CTPS2: variants seen among roughly 807,000 people sequenced by gnomAD.
CTPS2 encodes CTP synthase II.
In CTPS2, 19 loss-of-function variants were observed where a neutral mutation model predicts 46.8. The observed-to-expected ratio is 0.41, with a 90% confidence interval of 0.28 to 0.60. The LOEUF is 0.60. CTPS2 is among the 20% of genes least tolerant of loss of function. The pLI is 0.35. For synonymous variants in CTPS2, 151 were observed against 165.2 expected, an observed-to-expected ratio of 0.91 and a Z score of 0.66; for missense variants, 286 against 447.6, an observed-to-expected ratio of 0.64 and a Z score of 3.26.
chrX:16,689,347 C>G, intron 8 of CTPS2, 103 bp downstream of exon 8: 1 of 833,517 alleles, frequency 1.2e-6, no homozygotes, highest in Non-Finnish European at 1.7e-6. Context: ...AATGTGCACA[C>G]GCAAAATGCC....
intron 13 of CTPS2, among the ~76,000 whole-genome samples, chrX:16,661,443 T>G (rs11094708): frequency 0.13 from 14,892 of 111,482 alleles, 755 homozygotes; most frequent in East Asian, 0.16. Context: ...GGCCATCTGG[T>G]TTGTTTTCAA....
chrX:16,696,091 G>C (rs1313659956), intron 4 of CTPS2, among the ~76,000 whole-genome samples: 1 of 112,174 alleles, frequency 8.9e-6, no homozygotes, highest in African/African-American at 3.2e-5. Flanking sequence ...ATTATTTCAG[G>C]TTCATGCCAA....
Position 16,657,775 on chromosome X carries a change from A to T in CTPS2, c.1296+9739T>A, listed in dbSNP as rs766979903. Among the ~76,000 whole-genome samples, 14 of 112,350 alleles carry T rather than the reference A, an allele frequency of 1.2e-4. No homozygotes were observed. The South Asian group carries it at 5.1e-3, about 41-fold the overall frequency. The stretch of plus-strand genomic sequence containing the variant: ...ACTCTTATTTGGAATAATCAGAAAA[A>T]TACAACTATCTAAATTTTGGGAGGA... On this transcript the variant is annotated intron_variant, in intron 13 of 18. Coordinates refer to ENST00000359276, the MANE Select transcript of CTPS2 (RefSeq NM_175859.3).
chrX:16,641,269 G>A (rs753988905), intron 13 of CTPS2, among the ~76,000 whole-genome samples: 2 of 112,022 alleles, frequency 1.8e-5, no homozygotes, highest in African/African-American at 3.2e-5. Context: ...GCAGACTACA[G>A]GGATAACCTC....
chrX:16,699,938 T>TC (rs35230614), intron 2 of CTPS2, among the ~76,000 whole-genome samples: 1 of 109,990 alleles, frequency 9.1e-6, no homozygotes, highest in Non-Finnish European at 1.9e-5. Flanking sequence ...ATTTTTTTTT[T>TC]CAATGTTTTT....
Position 16,697,315 on chromosome X carries a change from C to T in CTPS2, c.438+921G>A, listed in dbSNP as rs747019414. 3.6e-5 allele frequency among the ~76,000 whole-genome samples: 4 copies of T among 110,362 alleles called. No individual in the cohort carries two copies. In the South Asian group the frequency reaches 1.5e-3, roughly 43 times the overall value. Reference sequence around the variant, plus strand: ...TTGGTCATTATTCTGCTCTTTCGCCCGGCAATTAAGCCAACTGACATTTAG... The same window carrying T: ...TTGGTCATTATTCTGCTCTTTCGCCTGGCAATTAAGCCAACTGACATTTAG... On this transcript the variant is annotated intron_variant, in intron 4 of 18. Transcript: ENST00000359276.
intron 10 of CTPS2, among the ~76,000 whole-genome samples, chrX:16,673,128 C>T (rs914569934): frequency 1.2e-4 from 13 of 109,031 alleles, no homozygotes; most frequent in East Asian, 2.9e-4. Flanking sequence ...CCTCGTGATC[C>T]GCCCGCCTCG....
At chrX:16,695,002 A>AAAAC (rs759306979) in intron 4 of CTPS2, among the ~76,000 whole-genome samples, 1 of 106,926 alleles carries the variant, frequency 9.4e-6, no homozygotes, top group Non-Finnish European at 1.9e-5. Flanking sequence ...TCTCTTTAAA[A>AAAAC]AACAACAACA....
intron 11 of CTPS2, among the ~76,000 whole-genome samples, chrX:16,670,059 T>TA (rs11451972): frequency 0.53 from 52,303 of 97,950 alleles, 12,563 homozygotes; most frequent in African/African-American, 0.84. Flanking sequence ...CTCCATCTCT[T>TA]AAAAAAAAAA....
In CTPS2 at chrX:16,689,509, G is replaced by A. The variant is rs1233415770; in HGVS notation, c.813C>T (p.His271=). 1.7e-6 allele frequency: 2 copies of A among 1,210,573 alleles called. No homozygotes were observed. The highest frequency in any genetic ancestry group is 1.1e-6 in the Non-Finnish European group (1 of 894,712). Residue 271 remains histidine, a synonymous_variant, in exon 8 of 19, where the codon CAC becomes CAT. Coordinates refer to ENST00000359276, the MANE Select transcript of CTPS2 (RefSeq NM_175859.3). ...SIVKYFKERL[H]LPIGDSASNL... Reference sequence around the variant, plus strand: ...TACTTGCAGAATCACCGATGGGCAGGTGCAATCTCTCCTTAAAATATTTCA... The same window carrying A: ...TACTTGCAGAATCACCGATGGGCAGATGCAATCTCTCCTTAAAATATTTCA...
In CTPS2 at chrX:16,686,629, C is replaced by T. The variant is rs1051813186; in HGVS notation, c.872+2821G>A. The stretch of plus-strand genomic sequence containing the variant: ...GGAGGCCTGGAGGCCAAAGGCTGGG[C>T]ATGGTGGCTCACGCCTTTAATCCCA... On this transcript the variant is annotated intron_variant, in intron 8 of 18. Transcript: ENST00000359276. 1.1e-4 allele frequency among the ~76,000 whole-genome samples: 12 copies of T among 112,441 alleles called. No homozygotes were observed. The Admixed American group carries it at 1.1e-3, about 11-fold the overall frequency.
At chrX:16,681,662 C>T (rs1282743217) in intron 9 of CTPS2, among the ~76,000 whole-genome samples, 1 of 110,999 alleles carries the variant, frequency 9.0e-6, no homozygotes. Context: ...CTTCCTGCCT[C>T]AGCCTCCCAA....
intron 4 of CTPS2, among the ~76,000 whole-genome samples, chrX:16,697,404 A>C (rs1252369751): frequency 2.8e-5 from 3 of 107,035 alleles, no homozygotes; most frequent in Non-Finnish European, 5.8e-5. Context: ...AGGTGAAGGA[A>C]GTAAACAAGT....
chrX:16,657,315 C>T (rs1008191322), intron 13 of CTPS2, among the ~76,000 whole-genome samples: 1 of 106,822 alleles, frequency 9.4e-6, no homozygotes, highest in Non-Finnish European at 1.9e-5. Context: ...GAACACGTAC[C>T]CATGCTCCCA....
At chrX:16,671,994 G>A (rs1175412977) in intron 10 of CTPS2, among the ~76,000 whole-genome samples, 1 of 111,038 alleles carries the variant, frequency 9.0e-6, no homozygotes, top group Non-Finnish European at 1.9e-5. Flanking sequence ...AACAGAGAGA[G>A]TTAAAGGCTC....
intron 1 of CTPS2, among the ~76,000 whole-genome samples, chrX:16,708,232 C>T (rs1001395879): frequency 4.5e-5 from 5 of 111,655 alleles, no homozygotes; most frequent in Non-Finnish European, 9.4e-5. Flanking sequence ...AGTTATCACA[C>T]GTCAGAGCTG....
At position 16,668,227 on chromosome X, in the gene CTPS2, G is replaced by A. The variant is rs146627791; in HGVS notation, c.1190-503C>T. ...CAGTGAGCTGAGATCACACCACTGT[G>A]CTCCAGGCTGGGTGAGAAAGAAGGA... On this transcript the variant is annotated intron_variant, in intron 11 of 18. Coordinates refer to ENST00000359276, the MANE Select transcript of CTPS2 (RefSeq NM_175859.3). 4.9e-3 allele frequency among the ~76,000 whole-genome samples: 529 copies of A among 107,280 alleles called. 5 individuals carry two copies. The highest frequency in any genetic ancestry group is 0.017 in the African/African-American group (507 of 29,392). The allele number at this position is 107,280 out of a possible 115,157, so 93.2% of individuals were successfully genotyped here.
intron 14 of CTPS2, among the ~76,000 whole-genome samples, chrX:16,637,974 T>G (rs1419095010): frequency 8.9e-6 from 1 of 111,952 alleles, no homozygotes; most frequent in Non-Finnish European, 1.9e-5. Context: ...GAAGAATTCT[T>G]GCCGGGCGTG....
intron 11 of CTPS2, among the ~76,000 whole-genome samples, chrX:16,669,946 G>T (rs775291153): frequency 9.0e-6 from 1 of 110,828 alleles, no homozygotes; most frequent in South Asian, 3.8e-4. Flanking sequence ...CAACTCGGCC[G>T]GGCACGGGGG....
Sources: allele counts gnomAD v4.1 joint callset (sites outside exome capture counted in the v4.1 genomes callset), GRCh38; gene constraint gnomAD v4.1.1; transcripts MANE v1.5; gene names NCBI Gene and HGNC (gene_info 2026-07-23, HGNC 2026-07-21).